Variants in LONP2 observed in about 807,000 individuals in gnomAD.
The protein encoded by LONP2 is lon peptidase 2, peroxisomal.
LONP2 carries 60 observed loss-of-function variants against 85.6 expected under a neutral mutation model. That is an observed-to-expected ratio of 0.70 (90% CI 0.57 to 0.87). LONP2 has a LOEUF of 0.87. Ranked by LOEUF, LONP2 falls within the 40% of genes least tolerant of loss-of-function variation. LONP2 has a pLI of 0.00. For synonymous variants in LONP2, 395 were observed against 389.7 expected (o/e 1.01, Z -0.16); for missense variants, 860 against 1,063.5 (o/e 0.81, Z 2.66).
chr16:48,274,736 GT>G (rs1387154123), intron 7 of LONP2, among the ~76,000 whole-genome samples: 1 of 151,868 alleles, frequency 6.6e-6, no homozygotes. Context: ...AAATCCTCAT[GT>G]TTTTCTACCG....
At chr16:48,303,406 A>G in intron 11 of LONP2, 101 bp downstream of exon 11, 1 of 1,351,254 alleles carries the variant, frequency 7.4e-7, no homozygotes, top group Non-Finnish European at 1.0e-6. Flanking sequence ...TCCTTGGAGC[A>G]GTGGCACACA....
rs1438083127 is a variant in LONP2 at position 48,270,131 on chromosome 16, G to C, written c.1098G>C (p.Leu366=). The C allele has an allele frequency of 1.1e-5, 18 of 1,613,934 alleles. No individual in the cohort carries two copies. Among genetic ancestry groups the C allele is most frequent in the Non-Finnish European group, 1.4e-5 (17 of 1,179,990 alleles). The change falls in exon 7 of 15, where the codon CTG becomes CTC. Residue 366 remains leucine (L), a synonymous_variant. Transcript: ENST00000285737. ...CTGTCAGACAGCTCAAAAATAACCT[G>C]AAGGGCCCAATCCTATGCTTTGTTG... ...YLAVRQLKNN[L]KGPILCFVGP... is the part of the protein sequence containing the mutation.
chr16:48,327,069 C>G (rs1052067669), intron 11 of LONP2, among the ~76,000 whole-genome samples: 1 of 152,252 alleles, frequency 6.6e-6, no homozygotes, highest in Non-Finnish European at 1.5e-5. Flanking sequence ...TTCACTCTCA[C>G]TTGGCTCACA....
At chr16:48,361,484 C>G (rs1162011893), downstream of LONP2, 1 of 1,256,734 alleles carries the variant, frequency 8.0e-7, no homozygotes, top group African/African-American at 1.5e-5. Context: ...TAGCTTCCAC[C>G]TACCGAAAGA....
At chr16:48,293,890 C>G (rs994289091) in intron 8 of LONP2, among the ~76,000 whole-genome samples, 1 of 152,192 alleles carries the variant, frequency 6.6e-6, no homozygotes, top group African/African-American at 2.4e-5. Context: ...ATAGTTTTAA[C>G]TATTTTCCAT....
downstream of LONP2, chr16:48,361,588 T>C: frequency 6.2e-7 from 1 of 1,612,102 alleles, no homozygotes; most frequent in Non-Finnish European, 8.5e-7. Flanking sequence ...TTTCAACACA[T>C]GGAAATAGTT....
At chr16:48,274,817 T>C (rs1386927939) in intron 7 of LONP2, among the ~76,000 whole-genome samples, 2 of 152,198 alleles carry the variant, frequency 1.3e-5, no homozygotes, top group Admixed American at 1.3e-4. Context: ...AGTAACAGAA[T>C]TGTAATCCTG....
intron 8 of LONP2, among the ~76,000 whole-genome samples, chr16:48,287,113 C>T (rs1972459627): frequency 6.6e-6 from 1 of 152,176 alleles, no homozygotes; most frequent in African/African-American, 2.4e-5. Flanking sequence ...GACAGTAGCT[C>T]TCCCACTCCT....
At chr16:48,348,917 T>A (rs58191881) in intron 14 of LONP2, among the ~76,000 whole-genome samples, 1 of 152,336 alleles carries the variant, frequency 6.6e-6, no homozygotes, top group African/African-American at 2.4e-5. Context: ...ATATAGCACA[T>A]GTGCAAAATG....
chr16:48,301,495 C>T (rs892444624), intron 10 of LONP2, among the ~76,000 whole-genome samples: 2 of 150,878 alleles, frequency 1.3e-5, no homozygotes, highest in African/African-American at 2.4e-5. Flanking sequence ...GCATGCCGGG[C>T]GTGGTGGTGT....
At chr16:48,308,035 A>G (rs530656321) in intron 11 of LONP2, among the ~76,000 whole-genome samples, 1 of 152,342 alleles carries the variant, frequency 6.6e-6, no homozygotes, top group South Asian at 2.1e-4. Flanking sequence ...GCCATTTATC[A>G]GGGATCTGCC....
intron 1 of LONP2, among the ~76,000 whole-genome samples, chr16:48,250,903 T>C (rs559942587): frequency 4.6e-5 from 7 of 152,310 alleles, no homozygotes; most frequent in Admixed American, 6.5e-5. Context: ...TTTCAAGTTT[T>C]TTATGTATGT....
chr16:48,295,168 T>A (rs1972640934), intron 8 of LONP2, among the ~76,000 whole-genome samples: 2 of 152,298 alleles, frequency 1.3e-5, no homozygotes, highest in Middle Eastern at 3.4e-3. Context: ...GGTCAAGAAT[T>A]TGAGACCAGC....
At chr16:48,255,335 C>T (rs1427350884) in intron 2 of LONP2, among the ~76,000 whole-genome samples, 4 of 152,294 alleles carry the variant, frequency 2.6e-5, no homozygotes, top group Non-Finnish European at 5.9e-5. Flanking sequence ...GCTTGTAATG[C>T]TTCTGCCCAG....
chr16:48,284,602 A>AGG (rs1211805009), intron 8 of LONP2, among the ~76,000 whole-genome samples: 4 of 152,260 alleles, frequency 2.6e-5, no homozygotes, highest in African/African-American at 7.2e-5. Flanking sequence ...TTGTTAATTA[A>AGG]GGCATGTACA....
At chr16:48,316,303 C>G (rs538434391) in intron 11 of LONP2, among the ~76,000 whole-genome samples, 1 of 150,406 alleles carries the variant, frequency 6.6e-6, no homozygotes, top group African/African-American at 2.4e-5. Flanking sequence ...CATGAGCCAC[C>G]GCGCCCAGCC....
Position 48,262,862 on chromosome 16 carries a change from A to G in LONP2, c.972A>G (p.Lys324=). The G allele has an allele frequency of 6.2e-7, 1 of 1,606,560 alleles. No individual in the cohort carries two copies. Among genetic ancestry groups the G allele is most frequent in the Non-Finnish European group, 8.5e-7 (1 of 1,174,950 alleles). The change falls in exon 6 of 15, where the codon AAA becomes AAG. Residue 324 remains lysine (K), a synonymous_variant. Transcript: ENST00000285737. ...LELMVELPWN[K]STTDRLDIRA... is the part of the protein sequence containing the mutation. ...TTATGGTAGAACTTCCTTGGAACAA[A>G]AGTACAACTGGTAAGCCAAAAAATA... is the stretch of plus-strand genomic sequence containing the variant.
chr16:48,336,056 G>T (rs1959639588), intron 12 of LONP2, among the ~76,000 whole-genome samples: 2 of 152,150 alleles, frequency 1.3e-5, no homozygotes, highest in Non-Finnish European at 2.9e-5. Flanking sequence ...TTTTCTGTAG[G>T]CTTACCAGAA....
At chr16:48,282,454 C>T (rs1414474047) in intron 8 of LONP2, among the ~76,000 whole-genome samples, 1 of 151,740 alleles carries the variant, frequency 6.6e-6, no homozygotes, top group Non-Finnish European at 1.5e-5. Context: ...ATGGCAACCC[C>T]GTGTCAAGCA....
Sources: allele counts gnomAD v4.1 joint callset (sites outside exome capture counted in the v4.1 genomes callset), GRCh38; gene constraint gnomAD v4.1.1; transcripts MANE v1.5; gene names NCBI Gene and HGNC (gene_info 2026-07-23, HGNC 2026-07-21).